Variants in KALRN observed in about 807,000 individuals in gnomAD.
KALRN encodes kalirin RhoGEF kinase, also known as kalirin.
KALRN carries 70 observed loss-of-function variants against 353.7 expected under a neutral mutation model. The ratio of observed to expected loss-of-function variants is 0.20; its 90% CI spans 0.16 to 0.24. KALRN has a LOEUF of 0.24. Among genes scored for constraint, KALRN ranks in the 10% least tolerant of loss-of-function variants. The pLI is 1.00. For missense variants in KALRN, 2,791 were observed against 3,756.7 expected (o/e 0.74, Z 6.72); for synonymous variants, 1,391 against 1,434.8 (o/e 0.97, Z 0.69).
At chr3:124,189,959 A>G (rs2074710017) in intron 1 of KALRN, among the ~76,000 whole-genome samples, 1 of 151,336 alleles carries the variant, frequency 6.6e-6, no homozygotes, top group Admixed American at 6.6e-5. Flanking sequence ...AAAAAGCAAC[A>G]TAGAAGCGAG....
At chr3:124,524,678 A>G (rs1302652715) in intron 33 of KALRN, among the ~76,000 whole-genome samples, 2 of 152,224 alleles carry the variant, frequency 1.3e-5, no homozygotes, top group East Asian at 3.8e-4. Flanking sequence ...ACCCATAAGA[A>G]AGATTCAGAT....
intron 7 of KALRN, 84 bp from the exon 8 acceptor site, chr3:124,329,777 A>G: frequency 2.0e-6 from 3 of 1,474,472 alleles, no homozygotes; most frequent in Non-Finnish European, 2.8e-6. Flanking sequence ...GTTTCTTCCC[A>G]AGGTATCTGA....
chr3:124,261,793 G>T (rs886384907), intron 3 of KALRN, among the ~76,000 whole-genome samples: 4 of 152,122 alleles, frequency 2.6e-5, no homozygotes, highest in Admixed American at 2.6e-4. Flanking sequence ...CTAAGGAAAG[G>T]CAAGACCCAC....
chr3:124,506,436 T>C (rs772466861), intron 33 of KALRN, among the ~76,000 whole-genome samples: 14 of 152,254 alleles, frequency 9.2e-5, no homozygotes, highest in Non-Finnish European at 1.9e-4. Flanking sequence ...AAGTTGAGTC[T>C]TACATGTTCA....
rs1473884422 is a variant in KALRN at position 124,725,895 on chromosome 3, G to A, written c.*6425G>A. ...AAGGGCCTTATTCATAAGTGGACAG[G>A]TTTCCCCATAGGGACCATCGCACAT... On this transcript the variant is annotated 3_prime_UTR_variant, in exon 60 of 60. Transcript: ENST00000682506. The A allele has an allele frequency of 1.3e-5, 2 of 152,158 alleles. No individual in the cohort carries two copies. Among genetic ancestry groups the A allele is most frequent in the Non-Finnish European group, 2.9e-5 (2 of 68,040 alleles). 9.4% of individuals were successfully genotyped at this position (152,158 alleles called of 1,614,324 possible). A position where few individuals can be genotyped will look rare whatever the true frequency, so the allele number is the denominator to read the frequency against.
intron 1 of KALRN, among the ~76,000 whole-genome samples, chr3:124,053,782 T>C (rs754923542): frequency 6.6e-6 from 1 of 152,248 alleles, no homozygotes; most frequent in Non-Finnish European, 1.5e-5. Flanking sequence ...CCTTTGATCA[T>C]GTTGGGTTCT....
chr3:124,642,815 T>TGTTGTTG, intron 37 of KALRN, among the ~76,000 whole-genome samples: 1 of 140,364 alleles, frequency 7.1e-6, no homozygotes. Context: ...CGTTTTTTTT[T>TGTTGTTG]TTTTTTTTTT....
intron 1 of KALRN, among the ~76,000 whole-genome samples, chr3:124,207,875 C>T (rs978788706): frequency 6.6e-6 from 1 of 152,170 alleles, no homozygotes; most frequent in Non-Finnish European, 1.5e-5. Context: ...GTAAGCAGGC[C>T]TTGGGAAGGC....
intron 57 of KALRN, among the ~76,000 whole-genome samples, chr3:124,705,703 C>T (rs888431017): frequency 2.0e-5 from 3 of 152,178 alleles, no homozygotes; most frequent in Admixed American, 2.0e-4. Context: ...TACAGGCAAC[C>T]AGTCAGCATT....
chr3:124,609,659 C>A (rs1561578), intron 34 of KALRN, among the ~76,000 whole-genome samples: 33,361 of 152,178 alleles, frequency 0.22, 3,725 homozygotes, highest in Middle Eastern at 0.25. Context: ...CAAGGCATTG[C>A]AGTCTGAGGA....
chr3:124,414,420 A>C (rs1243564134), intron 14 of KALRN, among the ~76,000 whole-genome samples: 1 of 152,170 alleles, frequency 6.6e-6, no homozygotes, highest in African/African-American at 2.4e-5. Flanking sequence ...CCTGTTTCTC[A>C]GTCTCCTCAA....
rs886097590 is a variant in KALRN at position 124,572,494 on chromosome 3, G to T, written c.5182+9405G>T. Among the ~76,000 whole-genome samples the T allele has an allele frequency of 1.4e-4, 22 of 152,060 alleles. 1 individual carries two copies. The highest frequency in any genetic ancestry group is 7.9e-4 in the Admixed American group (12 of 15,264). On this transcript the variant is annotated intron_variant, in intron 34 of 59. Transcript: ENST00000682506. ...ATTTAGTTCTCAGGGAATCAGATGG[G>T]GTGGGAAGAAGACAGGGTATGAAAT...
In KALRN at chr3:124,655,652, G is replaced by C. The variant is rs1339586607; in HGVS notation, c.5847G>C (p.Leu1949=). 2.5e-6 allele frequency: 4 copies of C among 1,614,022 alleles called. No individual in the cohort carries two copies. The highest frequency in any genetic ancestry group is 3.4e-6 in the Non-Finnish European group (4 of 1,179,868). Residue 1949 remains leucine (L), a synonymous_variant, in exon 39 of 60, where the codon CTG becomes CTC. Transcript: ENST00000682506. Reference sequence around the variant, plus strand: ...CAGAGAAAGACTATGTCAAGGATCTGGGCATTGTGGTGGAGGTAAGTAGAG... The same window carrying C: ...CAGAGAAAGACTATGTCAAGGATCTCGGCATTGTGGTGGAGGTAAGTAGAG... The part of the protein sequence containing the change: ...VQTEKDYVKD[L]GIVVEGFMKR...
intron 1 of KALRN, among the ~76,000 whole-genome samples, chr3:124,221,985 T>C (rs747075844): frequency 2.0e-5 from 3 of 152,182 alleles, no homozygotes; most frequent in Non-Finnish European, 4.4e-5. Context: ...CTGACCAGCA[T>C]TTCCCCAGTG....
chr3:124,234,371 C>G (rs1049408563), intron 2 of KALRN, among the ~76,000 whole-genome samples: 9 of 152,168 alleles, frequency 5.9e-5, no homozygotes, highest in African/African-American at 1.4e-4. Flanking sequence ...CCATAGTAGT[C>G]AGCTCATCAC....
intron 27 of KALRN, among the ~76,000 whole-genome samples, chr3:124,480,167 C>T (rs527759): frequency 0.99 from 150,213 of 152,246 alleles, 74,134 homozygotes; most frequent in South Asian, 1. Flanking sequence ...CAAAGGTGCA[C>T]TGTTGCTTGT....
intron 21 of KALRN, among the ~76,000 whole-genome samples, chr3:124,447,191 G>T (rs1036364737): frequency 1.3e-5 from 2 of 152,130 alleles, no homozygotes; most frequent in African/African-American, 2.4e-5. Context: ...CAGGGAAAAG[G>T]GTGTATTCAT....
intron 27 of KALRN, among the ~76,000 whole-genome samples, chr3:124,479,833 C>T (rs952319975): frequency 6.6e-6 from 1 of 151,454 alleles, no homozygotes; most frequent in South Asian, 2.1e-4. Flanking sequence ...ACGCCATTCT[C>T]CCTCCTCAGC....
chr3:124,328,724 C>T (rs558277708), intron 7 of KALRN, among the ~76,000 whole-genome samples: 32 of 152,290 alleles, frequency 2.1e-4, no homozygotes, highest in South Asian at 1.5e-3. Context: ...AAAACTAGAA[C>T]GCAAACGGTT....
Sources: allele counts gnomAD v4.1 joint callset (sites outside exome capture counted in the v4.1 genomes callset), GRCh38; gene constraint gnomAD v4.1.1; transcripts MANE v1.5; gene names NCBI Gene and HGNC (gene_info 2026-07-23, HGNC 2026-07-21).